Variants in SGCZ observed in about 807,000 individuals in gnomAD.
The protein encoded by SGCZ is zeta-sarcoglycan.
In SGCZ, 40 loss-of-function variants were observed where a neutral mutation model predicts 41.3. The ratio of observed to expected loss-of-function variants is 0.97; its 90% CI spans 0.75 to 1.26. The LOEUF (loss-of-function observed/expected upper bound fraction) is 1.26. Among genes scored for constraint, SGCZ ranks in the 50% most tolerant of loss-of-function variants. The probability of loss-of-function intolerance (pLI) is 0.00; values close to 1 mark genes in which losing one functional copy is unlikely to be tolerated. For missense variants in SGCZ, 552 were observed against 369.8 expected (o/e 1.49, Z -4.04); for synonymous variants, 206 against 137.5 (o/e 1.50, Z -3.49).
intron 1 of SGCZ, among the ~76,000 whole-genome samples, chr8:14,672,591 G>T (rs531858091): frequency 6.6e-6 from 1 of 152,256 alleles, no homozygotes; most frequent in Non-Finnish European, 1.5e-5. Flanking sequence ...TAAATATAAT[G>T]GTTGGAGCAG....
chr8:14,253,644 G>A (rs1239136668), intron 3 of SGCZ, among the ~76,000 whole-genome samples: 1 of 152,010 alleles, frequency 6.6e-6, no homozygotes, highest in Non-Finnish European at 1.5e-5. Flanking sequence ...AGAACTTCTA[G>A]TAAATTTGCA....
At chr8:14,670,163 G>T (rs1808058351) in intron 1 of SGCZ, among the ~76,000 whole-genome samples, 1 of 152,098 alleles carries the variant, frequency 6.6e-6, no homozygotes, top group African/African-American at 2.4e-5. Flanking sequence ...ATTTGTTCCA[G>T]CCTGCATTCC....
At chr8:14,747,690 T>TATTATG (rs1436311134) in intron 1 of SGCZ, among the ~76,000 whole-genome samples, 1 of 133,534 alleles carries the variant, frequency 7.5e-6, no homozygotes, top group Admixed American at 8.6e-5. Context: ...TTATTATTAT[T>TATTATG]ATGTGTGTGT....
At chr8:14,207,699 G>T (rs778298977) in intron 4 of SGCZ, among the ~76,000 whole-genome samples, 3 of 149,140 alleles carry the variant, frequency 2.0e-5, no homozygotes, top group Non-Finnish European at 3.0e-5. Flanking sequence ...GCCAAATAAA[G>T]AATTAGTTAC....
intron 1 of SGCZ, among the ~76,000 whole-genome samples, chr8:15,032,445 T>C (rs1055483866): frequency 1.3e-5 from 2 of 152,110 alleles, no homozygotes; most frequent in African/African-American, 4.8e-5. Flanking sequence ...ACACTTTGCC[T>C]TGGACCCAAC....
intron 1 of SGCZ, among the ~76,000 whole-genome samples, chr8:15,063,294 G>A (rs961485379): frequency 6.6e-6 from 1 of 152,002 alleles, no homozygotes; most frequent in Non-Finnish European, 1.5e-5. Flanking sequence ...TGCATCACTG[G>A]TCCCCATCCA....
rs563255588 is a variant in SGCZ, at chr8:14,234,127, TG to T, written c.424+3464del. ...ACTTCATCAATTCACAGAAAATATC[TG>T]TCAAATTGATTTTTCTACCTAAAGT... On this transcript the variant is annotated intron_variant, in intron 4 of 7. Coordinates refer to ENST00000382080, the MANE Select transcript of SGCZ (RefSeq NM_139167.4). Among the ~76,000 whole-genome samples, 155 of 152,224 alleles carry T rather than the reference TG, an allele frequency of 1.0e-3. 1 individual carries two copies. The highest frequency in any genetic ancestry group is 3.6e-3 in the African/African-American group (150 of 41,592).
intron 2 of SGCZ, among the ~76,000 whole-genome samples, chr8:14,414,217 C>CA (rs1799435716): frequency 6.6e-6 from 1 of 151,818 alleles, no homozygotes; most frequent in African/African-American, 2.4e-5. Flanking sequence ...TACAGACACG[C>CA]ACACGCTAGA....
chr8:14,404,569 T>A (rs1563307805), intron 2 of SGCZ, among the ~76,000 whole-genome samples: 1 of 152,194 alleles, frequency 6.6e-6, no homozygotes, highest in Non-Finnish European at 1.5e-5. Context: ...TGTTGCGTTA[T>A]TTTTCTTTAA....
intron 2 of SGCZ, among the ~76,000 whole-genome samples, chr8:14,547,410 G>A (rs1408927576): frequency 6.6e-6 from 1 of 152,086 alleles, no homozygotes; most frequent in Non-Finnish European, 1.5e-5. Flanking sequence ...GTTCCTCTTA[G>A]AAGTTTATGT....
intron 1 of SGCZ, among the ~76,000 whole-genome samples, chr8:14,675,880 G>C (rs1271470922): frequency 6.6e-6 from 1 of 152,192 alleles, no homozygotes; most frequent in Non-Finnish European, 1.5e-5. Flanking sequence ...CATTATTCTT[G>C]CTGAGTTTGG....
At chr8:14,729,650 A>ATCAG (rs1362606030) in intron 1 of SGCZ, among the ~76,000 whole-genome samples, 1 of 128,262 alleles carries the variant, frequency 7.8e-6, no homozygotes, top group Non-Finnish European at 1.5e-5. Flanking sequence ...TTAAAAATCA[A>ATCAG]TCAATCAATC....
chr8:14,383,870 A>G (rs1804463549), intron 2 of SGCZ, among the ~76,000 whole-genome samples: 1 of 152,178 alleles, frequency 6.6e-6, no homozygotes, highest in African/African-American at 2.4e-5. Context: ...AAGAGTGGAG[A>G]AACTACAGAA....
intron 1 of SGCZ, among the ~76,000 whole-genome samples, chr8:14,703,735 G>A (rs1171615479): frequency 2.0e-5 from 3 of 152,070 alleles, no homozygotes; most frequent in East Asian, 3.9e-4. Context: ...TGACTTTAGT[G>A]GCTGTGGTCT....
chr8:15,168,705 A>T (rs779633613), intron 1 of SGCZ, among the ~76,000 whole-genome samples: 9 of 152,136 alleles, frequency 5.9e-5, no homozygotes, highest in Non-Finnish European at 1.2e-4. Context: ...ATGCATCCTG[A>T]ACCCCTGGGA....
At chr8:14,338,505 T>G (rs1802579796) in intron 2 of SGCZ, among the ~76,000 whole-genome samples, 1 of 152,188 alleles carries the variant, frequency 6.6e-6, no homozygotes, top group South Asian at 2.1e-4. Flanking sequence ...GTGGTGCTTA[T>G]TCGAGGTTGC....
intron 1 of SGCZ, among the ~76,000 whole-genome samples, chr8:14,860,735 A>AAAGAAAGAAAGAAAGT (rs1178772574): frequency 3.2e-4 from 36 of 112,820 alleles, no homozygotes; most frequent in Admixed American, 1.9e-3. Flanking sequence ...AGAAAGAAAG[A>AAAGAAAGAAAGAAAGT]AAGTAAGTAA....
chr8:14,151,574 C>T (rs1803710856), intron 5 of SGCZ, among the ~76,000 whole-genome samples: 1 of 151,964 alleles, frequency 6.6e-6, no homozygotes, highest in African/African-American at 2.4e-5. Flanking sequence ...AATATAAATA[C>T]ATATTCTAAA....
rs1157433605 is a variant in SGCZ at position 15,052,625 on chromosome 8, C to T, written c.39+184960G>A. ...TCATGTGGAGATGTTCCCTAAAGCT[C>T]GTTTGGGACATATGACAGAGATTGG... On this transcript the variant is annotated intron_variant, in intron 1 of 7. Coordinates refer to ENST00000382080, the MANE Select transcript of SGCZ (RefSeq NM_139167.4). 9.9e-5 allele frequency among the ~76,000 whole-genome samples: 15 copies of T among 151,862 alleles called. No homozygotes were observed. The East Asian group carries it at 2.0e-3, about 20-fold the overall frequency.
Sources: gnomAD v4.1 joint callset for allele counts (sites outside exome capture counted in the v4.1 genomes callset) on GRCh38, gnomAD v4.1.1 for gene constraint, MANE v1.5 for transcripts, NCBI Gene and HGNC (gene_info 2026-07-23, HGNC 2026-07-21) for gene names.